The following PCDHGB6 variants were observed in gnomAD, a reference collection of about 807,000 sequenced individuals.
PCDHGB6 encodes the protein protocadherin gamma subfamily B, 6.
Under a neutral mutation model 59.1 loss-of-function variants are expected in PCDHGB6, and 51 were observed. The observed-to-expected ratio is 0.86, with a 90% CI of 0.69 to 1.09. The LOEUF (loss-of-function observed/expected upper bound fraction) is 1.09, where lower values mean the gene tolerates loss of function less well. Among genes scored for constraint, PCDHGB6 ranks in the 50% least tolerant of loss-of-function variants. PCDHGB6 has a pLI of 0.00. For missense variants in PCDHGB6, 1,148 were observed against 1,205.1 expected, an observed-to-expected ratio of 0.95 and a Z score of 0.70; for synonymous variants, 466 against 495.1, an observed-to-expected ratio of 0.94 and a Z score of 0.78.
intron 2 of PCDHGB6, among the ~76,000 whole-genome samples, chr5:141,503,398 C>A (rs1374324008): frequency 6.6e-6 from 1 of 151,784 alleles, no homozygotes; most frequent in African/African-American, 2.4e-5. Flanking sequence ...AGTTCGAAAC[C>A]AACCTGGCCA....
intron 1 of PCDHGB6, chr5:141,421,399 C>T (rs777999539): frequency 1.2e-6 from 2 of 1,613,928 alleles, no homozygotes; most frequent in East Asian, 2.2e-5. Flanking sequence ...GCTGGAGCCC[C>T]GGGAGCTGGC....
At chr5:141,410,666 T>C (rs376209053) in intron 1 of PCDHGB6, 46 bp downstream of exon 1, 1 of 1,566,008 alleles carries the variant, frequency 6.4e-7, no homozygotes, top group Non-Finnish European at 8.6e-7. Flanking sequence ...AGTCTACTAG[T>C]TTCTCATATT....
chr5:141,414,310 G>C, intron 1 of PCDHGB6: 1 of 1,613,722 alleles, frequency 6.2e-7, no homozygotes, highest in Non-Finnish European at 8.5e-7. Context: ...GCATGATTTA[G>C]ACTCTGAGCA....
chr5:141,421,498 A>T (rs1303740754), intron 1 of PCDHGB6: 2 of 1,613,952 alleles, frequency 1.2e-6, no homozygotes, highest in African/African-American at 1.3e-5. Context: ...GGCAGGCAGG[A>T]TAGACCGGGA....
intron 1 of PCDHGB6, chr5:141,421,696 A>G: frequency 6.2e-7 from 1 of 1,613,886 alleles, no homozygotes; most frequent in Non-Finnish European, 8.5e-7. Context: ...TGCTCTTCCT[A>G]ATGCTAGGGA....
Position 141,491,547 on chromosome 5 carries a change from G to A in PCDHGB6, c.2419-3260G>A. On this transcript the variant is annotated intron_variant, in intron 1 of 3. Transcript: ENST00000520790. This position sits in a 1 kb window ranked among gnomAD's most constrained non-coding sequence, Gnocchi z 6.9. ...AGGTGACGCTGCGGCCCACAGACTC[G>A]CAGAGCCACTGCTACAGGACGTGCT... is the stretch of plus-strand genomic sequence containing the variant. The A allele has an allele frequency of 4.3e-6, 7 of 1,613,974 alleles. No individual in the cohort carries two copies. The highest frequency in any genetic ancestry group is 5.9e-6 in the Non-Finnish European group (7 of 1,180,022).
Position 141,477,568 on chromosome 5 carries a change from C to T in PCDHGB6, c.2419-17239C>T, listed in dbSNP as rs2099413139. The T allele has an allele frequency of 6.2e-7, 1 of 1,614,172 alleles. No individual in the cohort carries two copies. The highest frequency in any genetic ancestry group is 1.7e-4 in the Middle Eastern group (1 of 6,060). On this transcript the variant is annotated intron_variant, in intron 1 of 3. Transcript: ENST00000520790. This position sits in a 1 kb window ranked among gnomAD's most constrained non-coding sequence, Gnocchi z 4.9. ...TACTAAACCTAAGTGTCTGGGACCC[C>T]GACGCCCCGCAGAATGCTCGGCTTT...
chr5:141,425,348 A>C (rs2096869744), intron 1 of PCDHGB6, among the ~76,000 whole-genome samples: 1 of 152,242 alleles, frequency 6.6e-6, no homozygotes, highest in Non-Finnish European at 1.5e-5. Context: ...GTTGGCTTTG[A>C]AATGTGATAT....
At chr5:141,484,075 C>G (rs1397285710) in intron 1 of PCDHGB6, among the ~76,000 whole-genome samples, 2 of 152,084 alleles carry the variant, frequency 1.3e-5, no homozygotes, top group African/African-American at 4.8e-5. Context: ...AAAGCTTGCT[C>G]TTTTGAAATG....
intron 1 of PCDHGB6, among the ~76,000 whole-genome samples, chr5:141,456,919 C>T (rs2098898169): frequency 1.3e-5 from 2 of 152,124 alleles, no homozygotes; most frequent in South Asian, 4.1e-4. Context: ...GCCGAGATCG[C>T]ACCACTGCAC....
rs774079222 is a variant in PCDHGB6, at chr5:141,491,314, C to G, written c.2419-3493C>G. On this transcript the variant is annotated intron_variant, in intron 1 of 3. Transcript: ENST00000520790. The surrounding 1 kb of genome is among the most constrained non-coding windows in gnomAD (Gnocchi z 6.9). ...CCCTCCTGAGCGTTCAGACCTTACC[C>G]TTTACCTCATTGTGGCTCTAGCGAC... is the stretch of plus-strand genomic sequence containing the variant. 6 of 1,614,064 alleles carry G rather than the reference C, an allele frequency of 3.7e-6. No individual in the cohort carries two copies. In the South Asian group the frequency reaches 5.5e-5, roughly 15 times the overall value.
At position 141,511,542 on chromosome 5, in the gene PCDHGB6, A is replaced by C; in HGVS notation, c.*369A>C. The stretch of plus-strand genomic sequence containing the variant: ...CCCATGCCTCCCTCCTCCCCACCCC[A>C]CTCCAACAGTTCCTCTTTCCCGAGT... On this transcript the variant is annotated 3_prime_UTR_variant, in exon 4 of 4. Coordinates refer to ENST00000520790, the MANE Select transcript of PCDHGB6 (RefSeq NM_018926.3). 6.6e-6 allele frequency: 2 copies of C among 302,184 alleles called. No homozygotes were observed. The highest frequency in any genetic ancestry group is 3.7e-5 in the South Asian group (1 of 26,678). The allele number at this position is 302,184 out of a possible 1,614,324, so 18.7% of individuals were successfully genotyped here. A position where few individuals can be genotyped will look rare whatever the true frequency, so the allele number is the denominator to read the frequency against.
intron 1 of PCDHGB6, chr5:141,442,360 G>A (rs890049391): frequency 6.6e-6 from 1 of 152,272 alleles, no homozygotes; most frequent in African/African-American, 2.4e-5. Flanking sequence ...GTAGCTCTAT[G>A]ATGCCATATT....
rs2099427641 is a variant in PCDHGB6, at chr5:141,477,974, G to T, written c.2419-16833G>T. The T allele has an allele frequency of 1.2e-6, 2 of 1,614,034 alleles. No homozygotes were observed. The highest frequency in any genetic ancestry group is 1.6e-4 in the Middle Eastern group (1 of 6,062). On this transcript the variant is annotated intron_variant, in intron 1 of 3. Transcript: ENST00000520790. This position sits in a 1 kb window ranked among gnomAD's most constrained non-coding sequence, Gnocchi z 4.9. ...GGGATCCCCTAACCAGAGCCTTTTT[G>T]CCATAGGGCTGCACACTGGTCAAAT...
In PCDHGB6 at chr5:141,486,047, C is replaced by T. The variant is rs763394605; in HGVS notation, c.2419-8760C>T. Reference sequence around the variant, plus strand: ...TCATACCCCTGATCGTGTAAGAAACCTCTTTAGCCTGCACCCCACTACTGG... The same window carrying T: ...TCATACCCCTGATCGTGTAAGAAACTTCTTTAGCCTGCACCCCACTACTGG... On this transcript the variant is annotated intron_variant, in intron 1 of 3. Transcript: ENST00000520790. The surrounding 1 kb of genome is among the most constrained non-coding windows in gnomAD (Gnocchi z 5.0). 2.5e-6 allele frequency: 4 copies of T among 1,614,054 alleles called. No individual in the cohort carries two copies. The African/African-American group carries it at 5.3e-5, about 22-fold the overall frequency.
chr5:141,418,589 C>T (rs184213052), intron 1 of PCDHGB6: 13 of 1,613,896 alleles, frequency 8.1e-6, no homozygotes, highest in African/African-American at 6.7e-5. Flanking sequence ...AGTGTTCAGC[C>T]AGGACGTGTA....
rs1596259997 is a variant in PCDHGB6, at chr5:141,509,990, A to G, written c.2567-957A>G. Among the ~76,000 whole-genome samples the G allele has an allele frequency of 2.6e-5, 4 of 152,266 alleles. No individual in the cohort carries two copies. The South Asian group carries it at 8.3e-4, about 32-fold the overall frequency. ...GGTCCTTCTAACACTTGGTTCCCTC[A>G]TCTGTAAAATGAGGGTCATACCACA... is the stretch of plus-strand genomic sequence containing the variant. On this transcript the variant is annotated intron_variant, in intron 3 of 3. Transcript: ENST00000520790.
At position 141,511,239 on chromosome 5, in the gene PCDHGB6, C is replaced by A; in HGVS notation, c.*66C>A. On this transcript the variant is annotated 3_prime_UTR_variant, in exon 4 of 4. Coordinates refer to ENST00000520790, the MANE Select transcript of PCDHGB6 (RefSeq NM_018926.3). ...AACCAGCCCAGCTTCTCCTTACCTG[C>A]ACCCAGGCCTCAGAGTTTCAGGGCT... 1 of 1,587,938 alleles carries A rather than the reference C, an allele frequency of 6.3e-7. No homozygotes were observed. Among genetic ancestry groups the A allele is most frequent in the Admixed American group, 1.8e-5 (1 of 55,480 alleles).
At chr5:141,423,008 C>A in intron 1 of PCDHGB6, 13 of 1,614,214 alleles carry the variant, frequency 8.1e-6, no homozygotes, top group Non-Finnish European at 1.1e-5. Flanking sequence ...AAGGTGGTTG[C>A]GGTGGACAAA....
Sources: gnomAD v4.1 joint callset for allele counts (sites outside exome capture counted in the v4.1 genomes callset) on GRCh38, gnomAD v4.1.1 for gene constraint, Gnocchi (gnomAD v3.1) non-coding constraint, MANE v1.5 for transcripts, NCBI Gene and HGNC (gene_info 2026-07-23, HGNC 2026-07-21) for gene names.